The following COX10 variants were observed in gnomAD, a reference collection of about 807,000 sequenced individuals.
The protein encoded by COX10 is protoheme IX farnesyltransferase, mitochondrial.
Under a neutral mutation model 37.3 loss-of-function variants are expected in COX10, and 27 were observed. That is an observed-to-expected ratio of 0.72 (90% confidence interval 0.53 to 1.00). The LOEUF is 1.00. COX10 is among the 50% of genes least tolerant of loss of function. The pLI, the probability that COX10 is intolerant of heterozygous loss-of-function variation, is 0.00. For missense variants in COX10, 475 were observed against 563.2 expected (o/e 0.84, Z 1.59); for synonymous variants, 222 against 229.1 (o/e 0.97, Z 0.28).
intron 4 of COX10, among the ~76,000 whole-genome samples, chr17:14,120,190 AG>A (rs1303665246): frequency 2.0e-5 from 3 of 152,320 alleles, no homozygotes; most frequent in Admixed American, 6.5e-5. Flanking sequence ...TCATAAGTTC[AG>A]TTTTGGACAT....
At chr17:14,102,384 G>A (rs1915804844) in intron 4 of COX10, 142 bp downstream of exon 4, 4 of 1,269,188 alleles carry the variant, frequency 3.2e-6, no homozygotes, top group Middle Eastern at 5.4e-4. Context: ...GAGCCTGTGG[G>A]TTTCATAACC....
At chr17:14,167,279 G>T (rs752973517) in intron 5 of COX10, among the ~76,000 whole-genome samples, 9 of 152,214 alleles carry the variant, frequency 5.9e-5, no homozygotes, top group Non-Finnish European at 8.8e-5. Flanking sequence ...TTATGGATGA[G>T]TAAAGAAAGT....
intron 5 of COX10, among the ~76,000 whole-genome samples, chr17:14,169,365 A>G (rs1905388081): frequency 6.6e-6 from 1 of 152,202 alleles, no homozygotes; most frequent in Non-Finnish European, 1.5e-5. Context: ...GAAGTTCCAG[A>G]CATTCCCACA....
intron 3 of COX10, among the ~76,000 whole-genome samples, chr17:14,095,193 T>C (rs1411003876): frequency 2.0e-5 from 3 of 152,204 alleles, no homozygotes; most frequent in African/African-American, 7.2e-5. Context: ...TACACTGAGA[T>C]GTTGGAGAAA....
At chr17:14,100,417 G>T (rs1252798964) in intron 3 of COX10, among the ~76,000 whole-genome samples, 15 of 152,142 alleles carry the variant, frequency 9.9e-5, no homozygotes. Context: ...TGTCATGAAG[G>T]AAATAAAAGG....
chr17:14,169,816 G>C (rs917697470), intron 5 of COX10, among the ~76,000 whole-genome samples: 1 of 152,200 alleles, frequency 6.6e-6, no homozygotes, highest in African/African-American at 2.4e-5. Flanking sequence ...AACTTGTGTT[G>C]AAAGTTGATC....
intron 4 of COX10, among the ~76,000 whole-genome samples, chr17:14,138,550 G>A (rs999314725): frequency 3.9e-5 from 6 of 152,022 alleles, no homozygotes; most frequent in African/African-American, 1.4e-4. Flanking sequence ...CAGCCCTACC[G>A]GTTCTTGAGT....
intron 5 of COX10, among the ~76,000 whole-genome samples, chr17:14,181,513 C>T (rs1255996923): frequency 3.3e-5 from 5 of 151,786 alleles, no homozygotes; most frequent in Non-Finnish European, 7.4e-5. Context: ...TATTTCCCAG[C>T]TTCATTCTTT....
intron 6 of COX10, among the ~76,000 whole-genome samples, chr17:14,205,246 C>T (rs62052074): frequency 0.14 from 20,933 of 152,106 alleles, 1,998 homozygotes; most frequent in East Asian, 0.4. Flanking sequence ...CACCTCAAAC[C>T]TTCCAGCCCC....
intron 1 of COX10, among the ~76,000 whole-genome samples, chr17:14,072,147 A>G (rs1915038658): frequency 6.6e-6 from 1 of 152,226 alleles, no homozygotes. Context: ...TTTCAACGAA[A>G]TGAAATGTCA....
chr17:14,204,887 G>A (rs1906648325), intron 6 of COX10, among the ~76,000 whole-genome samples: 2 of 151,990 alleles, frequency 1.3e-5, no homozygotes, highest in Non-Finnish European at 2.9e-5. Context: ...GGATTGCTTG[G>A]GGCCAGGAGT....
chr17:14,176,563 G>A (rs1957068581), intron 5 of COX10, among the ~76,000 whole-genome samples: 1 of 152,132 alleles, frequency 6.6e-6, no homozygotes, highest in Admixed American at 6.5e-5. Flanking sequence ...TAATTTAACT[G>A]AGTGATTCTC....
At chr17:14,108,847 A>T (rs1220910172) in intron 4 of COX10, among the ~76,000 whole-genome samples, 1 of 152,052 alleles carries the variant, frequency 6.6e-6, no homozygotes. Flanking sequence ...CTTTTCTCTG[A>T]TGTTTCTTGT....
intron 4 of COX10, among the ~76,000 whole-genome samples, chr17:14,159,314 A>G (rs1905122450): frequency 6.6e-6 from 1 of 152,210 alleles, no homozygotes; most frequent in Non-Finnish European, 1.5e-5. Context: ...TTCTTGGTTG[A>G]TTCTCAGGCT....
intron 4 of COX10, among the ~76,000 whole-genome samples, chr17:14,150,323 T>G (rs1245617711): frequency 1.3e-5 from 2 of 151,626 alleles, no homozygotes; most frequent in Non-Finnish European, 2.9e-5. Context: ...AAAAGATTGG[T>G]GGATTTTTAT....
At chr17:14,086,519 A>G (rs1036502479) in intron 3 of COX10, among the ~76,000 whole-genome samples, 6 of 152,146 alleles carry the variant, frequency 3.9e-5, no homozygotes, top group African/African-American at 1.4e-4. Context: ...CTGTTACATC[A>G]TCTTCATTTA....
intron 4 of COX10, among the ~76,000 whole-genome samples, chr17:14,130,028 G>T (rs1026662389): frequency 6.6e-6 from 1 of 152,164 alleles, no homozygotes; most frequent in Non-Finnish European, 1.5e-5. Context: ...CTTCCTGGGA[G>T]AATGTAGTGA....
chr17:14,154,108 G>A (rs1198420382), intron 4 of COX10, among the ~76,000 whole-genome samples: 1 of 152,198 alleles, frequency 6.6e-6, no homozygotes, highest in Admixed American at 6.5e-5. Context: ...GCTGCCTGAG[G>A]ACAAGAAGCT....
chr17:14,100,420 A>G (rs1467382309), intron 3 of COX10, among the ~76,000 whole-genome samples: 1 of 152,174 alleles, frequency 6.6e-6, no homozygotes, highest in Non-Finnish European at 1.5e-5. Flanking sequence ...CATGAAGGAA[A>G]TAAAAGGAGG....
Sources: gnomAD v4.1 joint callset for allele counts (sites outside exome capture counted in the v4.1 genomes callset) on GRCh38, gnomAD v4.1.1 for gene constraint, MANE v1.5 for transcripts, NCBI Gene and HGNC (gene_info 2026-07-23, HGNC 2026-07-21) for gene names.